The following SRGAP3 variants were observed in gnomAD, a reference collection of about 807,000 sequenced individuals.
SRGAP3 encodes SLIT-ROBO Rho GTPase activating protein 3.
Under a neutral mutation model 121.1 loss-of-function variants are expected in SRGAP3, and 39 were observed. The observed-to-expected ratio is 0.32, with a 90% confidence interval of 0.25 to 0.42. The LOEUF is 0.42. Among genes scored for constraint, SRGAP3 ranks in the 10% least tolerant of loss-of-function variants. The probability of loss-of-function intolerance (pLI) is 1.00; values close to 1 mark genes in which losing one functional copy is unlikely to be tolerated. For synonymous variants in SRGAP3, 601 were observed against 570.0 expected (o/e 1.05, Z -0.77); for missense variants, 1,213 against 1,470.6 (o/e 0.82, Z 2.86).
intron 18 of SRGAP3, among the ~76,000 whole-genome samples, chr3:9,000,730 A>T (rs1448353619): frequency 6.6e-6 from 1 of 152,320 alleles, no homozygotes; most frequent in Admixed American, 6.5e-5. Context: ...TCAAACATTG[A>T]CTTCAGAAAC....
At position 9,013,451 on chromosome 3, in the gene SRGAP3, A is replaced by C; in HGVS notation, c.2004T>G (p.Asp668Glu). The C allele has an allele frequency of 6.2e-7, 1 of 1,614,128 alleles. No individual in the cohort carries two copies. Among genetic ancestry groups the C allele is most frequent in the Non-Finnish European group, 8.5e-7 (1 of 1,180,036 alleles). Residue 668 changes from aspartate to glutamate, a missense_variant, in exon 17 of 22, where the codon GAT (aspartate) becomes GAG (glutamate). Asp to Glu is a conservative substitution (Grantham distance 45). Coordinates refer to ENST00000383836, the MANE Select transcript of SRGAP3 (RefSeq NM_014850.4). ...CCTGGCAGGACACAGGGTCCTGCCC[A>C]TCAGGGATGTGCATGAGGGTAGGCC... is the stretch of plus-strand genomic sequence containing the variant. Reference protein sequence around the residue: ...CFGPTLMHIPDGQDPVSCQAH... With the variant: ...CFGPTLMHIPEGQDPVSCQAH...
At chr3:9,224,174 C>T (rs1016453856) in intron 1 of SRGAP3, among the ~76,000 whole-genome samples, 2 of 152,190 alleles carry the variant, frequency 1.3e-5, no homozygotes, top group African/African-American at 4.8e-5. Flanking sequence ...CCGAGTGCTA[C>T]CCAAGCCAAG....
At position 9,248,959 on chromosome 3, in the gene SRGAP3, C is replaced by G; in HGVS notation, c.-8G>C. ...CTTAGTTTGAGATGACATCTTCTGA[C>G]GTGGCCAAAGGAACTGACAGGCTGT... is the stretch of plus-strand genomic sequence containing the variant. On this transcript the variant is annotated 5_prime_UTR_variant, in exon 1 of 22. Transcript: ENST00000383836. 1.2e-6 allele frequency: 2 copies of G among 1,614,078 alleles called. No individual in the cohort carries two copies. The highest frequency in any genetic ancestry group is 1.7e-6 in the Non-Finnish European group (2 of 1,179,940).
At chr3:9,055,670 T>C (rs1267905453) in intron 8 of SRGAP3, among the ~76,000 whole-genome samples, 2 of 152,210 alleles carry the variant, frequency 1.3e-5, no homozygotes, top group Non-Finnish European at 2.9e-5. Flanking sequence ...ATACCTACTG[T>C]TATTTCTAAT....
intron 3 of SRGAP3, among the ~76,000 whole-genome samples, chr3:9,278,823 T>G (rs577115806): frequency 6.6e-6 from 1 of 152,300 alleles, no homozygotes; most frequent in East Asian, 1.9e-4. Flanking sequence ...AAAGGGAGTT[T>G]GTTCTGACTC....
chr3:9,294,191 C>T (rs1382996371), intron 3 of SRGAP3, among the ~76,000 whole-genome samples: 1 of 152,006 alleles, frequency 6.6e-6, no homozygotes, highest in Non-Finnish European at 1.5e-5. Context: ...TACTATGCAG[C>T]CAAAAAAAGA....
chr3:9,201,822 G>T (rs1429401633), intron 1 of SRGAP3, among the ~76,000 whole-genome samples: 3 of 152,184 alleles, frequency 2.0e-5, no homozygotes, highest in African/African-American at 7.2e-5. Context: ...AAAGAGAAAG[G>T]AAAGACACCA....
At position 9,055,222 on chromosome 3, in the gene SRGAP3, C is replaced by A. The variant is rs1476558164; in HGVS notation, c.1125+1011G>T. ...GAGCTCCAATCTGTCTCACATTTGT[C>A]CTAGGTCTGTCCTTTGTGGAGATGA... On this transcript the variant is annotated intron_variant, in intron 8 of 21. Transcript: ENST00000383836. Among the ~76,000 whole-genome samples the A allele has an allele frequency of 2.0e-5, 3 of 152,364 alleles. No individual in the cohort carries two copies. The East Asian group carries it at 5.8e-4, about 29-fold the overall frequency.
intron 13 of SRGAP3, among the ~76,000 whole-genome samples, chr3:9,026,656 T>C (rs962011909): frequency 2.0e-5 from 3 of 152,240 alleles, no homozygotes; most frequent in African/African-American, 7.2e-5. Context: ...CATTCAGTGC[T>C]CAAAGCACAG....
At chr3:9,032,253 T>G (rs1944523595) in intron 12 of SRGAP3, among the ~76,000 whole-genome samples, 1 of 152,232 alleles carries the variant, frequency 6.6e-6, no homozygotes, top group South Asian at 2.1e-4. Context: ...TCCTCTGTGT[T>G]GCTTTCAATC....
chr3:9,214,409 A>T (rs913517878), intron 1 of SRGAP3, among the ~76,000 whole-genome samples: 1 of 152,146 alleles, frequency 6.6e-6, no homozygotes, highest in Non-Finnish European at 1.5e-5. Flanking sequence ...CACAGTAATA[A>T]AGAAGCCTGC....
intron 1 of SRGAP3, among the ~76,000 whole-genome samples, chr3:9,354,985 T>C (rs758322409): frequency 2.0e-5 from 3 of 152,228 alleles, no homozygotes; most frequent in Non-Finnish European, 4.4e-5. Context: ...TTCTTTCTGA[T>C]ATAAACGAAC....
intron 1 of SRGAP3, among the ~76,000 whole-genome samples, chr3:9,179,480 T>C (rs910469917): frequency 6.6e-6 from 1 of 152,232 alleles, no homozygotes; most frequent in African/African-American, 2.4e-5. Context: ...CTGGCAAATG[T>C]TAGTTATTGA....
intron 1 of SRGAP3, chr3:9,348,799 T>G: frequency 7.3e-7 from 1 of 1,373,576 alleles, no homozygotes; most frequent in South Asian, 1.2e-5. Context: ...ACTCCTATGA[T>G]GTCCCACCAC....
At chr3:9,162,169 G>A in intron 1 of SRGAP3, among the ~76,000 whole-genome samples, 1 of 152,172 alleles carries the variant, frequency 6.6e-6, no homozygotes, top group East Asian at 1.9e-4. Context: ...GAGAAATGGG[G>A]AGTGGGTTTC....
intron 3 of SRGAP3, among the ~76,000 whole-genome samples, chr3:9,302,961 C>CTT (rs1207148720): frequency 1.4e-4 from 7 of 49,846 alleles, no homozygotes; most frequent in East Asian, 1.6e-3. Flanking sequence ...CCTTTTGTCA[C>CTT]CACTTTTGAA....
At chr3:9,169,270 C>A (rs1290273032) in intron 1 of SRGAP3, among the ~76,000 whole-genome samples, 1 of 152,178 alleles carries the variant, frequency 6.6e-6, no homozygotes, top group Non-Finnish European at 1.5e-5. Flanking sequence ...TGATTATAAT[C>A]ATTATATATG....
intron 3 of SRGAP3, among the ~76,000 whole-genome samples, chr3:9,266,006 A>G (rs1488723373): frequency 1.3e-5 from 2 of 152,248 alleles, no homozygotes; most frequent in Non-Finnish European, 1.5e-5. Flanking sequence ...GATAAAGAAA[A>G]TGTAGCACAT....
chr3:9,264,196 A>C (rs574830902), intron 3 of SRGAP3, among the ~76,000 whole-genome samples: 2 of 152,332 alleles, frequency 1.3e-5, no homozygotes, highest in South Asian at 4.1e-4. Context: ...ACACTCAATA[A>C]ACTAGGTATT....
Sources: gnomAD v4.1 joint callset for allele counts (sites outside exome capture counted in the v4.1 genomes callset) on GRCh38, gnomAD v4.1.1 for gene constraint, MANE v1.5 for transcripts, NCBI Gene and HGNC (gene_info 2026-07-23, HGNC 2026-07-21) for gene names.